Variants in SGCD observed in about 807,000 individuals in gnomAD.
SGCD encodes the protein sarcoglycan delta.
A neutral mutation model predicts 36.6 loss-of-function variants in SGCD; 18 were observed. The observed-to-expected ratio is 0.49, with a 90% CI of 0.34 to 0.73. The LOEUF (loss-of-function observed/expected upper bound fraction) is 0.73, where lower values mean the gene tolerates loss of function less well. Among genes scored for constraint, SGCD ranks in the 30% least tolerant of loss-of-function variants. The pLI is 0.01. For synonymous variants in SGCD, 133 were observed against 130.6 expected (o/e 1.02, Z -0.12); for missense variants, 387 against 346.7 (o/e 1.12, Z -0.92).
intron 3 of SGCD, among the ~76,000 whole-genome samples, chr5:156,132,942 G>T (rs999778004): frequency 5.9e-5 from 9 of 152,212 alleles, no homozygotes; most frequent in Non-Finnish European, 1.3e-4. Context: ...GAAGAATCTG[G>T]CTGGATAATT....
the SGCD span, among the ~76,000 whole-genome samples, chr5:155,756,437 C>A: frequency 6.6e-6 from 1 of 152,132 alleles, no homozygotes; most frequent in Non-Finnish European, 1.5e-5. Flanking sequence ...ATATGTTGAT[C>A]TTTCTTCCTC....
intron 1 of SGCD, among the ~76,000 whole-genome samples, chr5:156,026,184 T>C (rs1759222737): frequency 6.6e-6 from 1 of 152,224 alleles, no homozygotes; most frequent in Admixed American, 6.5e-5. Flanking sequence ...AAATACTTGT[T>C]GTTAGATTGA....
chr5:156,083,609 T>C (rs1761021131), intron 1 of SGCD, among the ~76,000 whole-genome samples: 1 of 151,872 alleles, frequency 6.6e-6, no homozygotes. Flanking sequence ...TTTTTTTTTT[T>C]TTCCTTTTAT....
chr5:156,040,514 A>C (rs1355544240), intron 1 of SGCD, among the ~76,000 whole-genome samples: 2 of 152,198 alleles, frequency 1.3e-5, no homozygotes, highest in African/African-American at 4.8e-5. Flanking sequence ...TTTATGCTTT[A>C]GGGCAGCCAG....
At chr5:156,385,684 C>T (rs1771239092) in intron 3 of SGCD, among the ~76,000 whole-genome samples, 2 of 152,226 alleles carry the variant, frequency 1.3e-5, no homozygotes, top group East Asian at 1.9e-4. Context: ...AAAAGGACTT[C>T]GACTGATGAT....
intron 1 of SGCD, among the ~76,000 whole-genome samples, chr5:155,992,557 A>G (rs1002749129): frequency 6.6e-6 from 1 of 152,222 alleles, no homozygotes; most frequent in Admixed American, 6.5e-5. Flanking sequence ...CAGCATAATC[A>G]GGAATTCCCC....
At chr5:156,691,307 A>T (rs1013778109) in intron 7 of SGCD, among the ~76,000 whole-genome samples, 1 of 151,776 alleles carries the variant, frequency 6.6e-6, no homozygotes, top group Admixed American at 6.6e-5. Flanking sequence ...AATTAATTAC[A>T]ATTAATAAAA....
chr5:155,860,572 C>A, the SGCD span, among the ~76,000 whole-genome samples: 1 of 152,158 alleles, frequency 6.6e-6, no homozygotes, highest in East Asian at 1.9e-4. Context: ...AGAGGATTTG[C>A]AAATGATTAA....
intron 7 of SGCD, among the ~76,000 whole-genome samples, chr5:156,654,474 G>T (rs1284351258): frequency 6.6e-6 from 1 of 152,090 alleles, no homozygotes; most frequent in African/African-American, 2.4e-5. Flanking sequence ...CTCAGGGAAG[G>T]AACCAATGGT....
chr5:156,111,340 G>A (rs565921828), intron 1 of SGCD, among the ~76,000 whole-genome samples: 1 of 152,308 alleles, frequency 6.6e-6, no homozygotes, highest in South Asian at 2.1e-4. Flanking sequence ...GATGTAGCTA[G>A]GGGCCAGGTC....
chr5:156,171,015 A>G (rs1013530120), intron 3 of SGCD, among the ~76,000 whole-genome samples: 1 of 152,210 alleles, frequency 6.6e-6, no homozygotes, highest in African/African-American at 2.4e-5. Flanking sequence ...TGTGTAAATG[A>G]GTAGCCTGAC....
chr5:156,317,054 ATAAT>A (rs1446950290), intron 3 of SGCD, among the ~76,000 whole-genome samples: 2 of 152,110 alleles, frequency 1.3e-5, no homozygotes. Flanking sequence ...ATTAATTGTG[ATAAT>A]TAAGTCACTG....
At chr5:156,035,179 T>A (rs1370759378) in intron 1 of SGCD, among the ~76,000 whole-genome samples, 1 of 152,184 alleles carries the variant, frequency 6.6e-6, no homozygotes, top group East Asian at 1.9e-4. Flanking sequence ...TTTTTCTACT[T>A]TGAAATGCTA....
At chr5:156,392,206 C>T (rs918523690) in intron 3 of SGCD, among the ~76,000 whole-genome samples, 1 of 152,190 alleles carries the variant, frequency 6.6e-6, no homozygotes, top group Non-Finnish European at 1.5e-5. Flanking sequence ...CTACCCCATC[C>T]ATACATTCAA....
At chr5:156,389,075 T>C (rs1037392217) in intron 3 of SGCD, among the ~76,000 whole-genome samples, 1 of 152,196 alleles carries the variant, frequency 6.6e-6, no homozygotes, top group Non-Finnish European at 1.5e-5. Context: ...CACAAATGTA[T>C]ACATGCTCAA....
chr5:155,989,373 C>T (rs765640177), intron 1 of SGCD, among the ~76,000 whole-genome samples: 16 of 152,046 alleles, frequency 1.1e-4, no homozygotes, highest in Non-Finnish European at 1.8e-4. Context: ...TTTGTTCAAC[C>T]ACTTAAAATG....
At chr5:156,385,407 TTAAA>T (rs1458747722) in intron 3 of SGCD, among the ~76,000 whole-genome samples, 1 of 152,136 alleles carries the variant, frequency 6.6e-6, no homozygotes, top group Non-Finnish European at 1.5e-5. Context: ...AAGTAAGAAG[TTAAA>T]TAAGAAACAG....
intron 1 of SGCD, among the ~76,000 whole-genome samples, chr5:156,035,326 G>T (rs1258883444): frequency 6.6e-6 from 1 of 152,132 alleles, no homozygotes; most frequent in African/African-American, 2.4e-5. Flanking sequence ...AAGTGGAATA[G>T]GGCCAGTCAT....
the SGCD span, among the ~76,000 whole-genome samples, chr5:155,791,717 C>G: frequency 6.6e-6 from 1 of 151,996 alleles, no homozygotes; most frequent in Non-Finnish European, 1.5e-5. Flanking sequence ...TAAGAGATAT[C>G]TACAAGGAGA....
Sources: gnomAD v4.1 joint callset for allele counts (sites outside exome capture counted in the v4.1 genomes callset) on GRCh38, gnomAD v4.1.1 for gene constraint, MANE v1.5 for transcripts, NCBI Gene and HGNC (gene_info 2026-07-23, HGNC 2026-07-21) for gene names.